NCOR2: variants seen among roughly 807,000 people sequenced by gnomAD.
NCOR2 encodes the protein nuclear receptor corepressor 2, also known as CTG repeat protein 26.
A neutral mutation model predicts 262.9 loss-of-function variants in NCOR2; 81 were observed. The observed-to-expected ratio is 0.31, with a 90% CI of 0.26 to 0.37. The LOEUF is 0.37. Among genes scored for constraint, NCOR2 ranks in the 10% least tolerant of loss-of-function variants. NCOR2 has a pLI of 1.00. For synonymous variants in NCOR2, 1,659 were observed against 1,559.3 expected, an observed-to-expected ratio of 1.06 and a Z score of -1.51; for missense variants, 3,385 against 3,621.4, an observed-to-expected ratio of 0.93 and a Z score of 1.68.
chr12:124,356,486 G>A (rs1334794350), intron 23 of NCOR2, among the ~76,000 whole-genome samples, 156 bp downstream of exon 25: 2 of 152,144 alleles, frequency 1.3e-5, no homozygotes, highest in Non-Finnish European at 2.9e-5. Flanking sequence ...TTTCTTAAAA[G>A]ATCTCCCCCT....
At chr12:124,364,270 A>T (rs561667859) in intron 20 of NCOR2, among the ~76,000 whole-genome samples, 1 of 152,354 alleles carries the variant, frequency 6.6e-6, no homozygotes, top group Non-Finnish European at 1.5e-5. Context: ...AGAGAAATGA[A>T]GAGATTCACC....
intron 19 of NCOR2, 43 bp from the exon 22 acceptor site, chr12:124,372,653 G>T (rs1109271): frequency 0.14 from 217,989 of 1,544,112 alleles, 16,824 homozygotes; most frequent in Non-Finnish European, 0.15. Context: ...AGGGTCTGGC[G>T]GGGCCTCCAG....
chr12:124,330,434 C>A (rs2035080532), intron 44 of NCOR2, among the ~76,000 whole-genome samples: 1 of 152,268 alleles, frequency 6.6e-6, no homozygotes, highest in Non-Finnish European at 1.5e-5. Context: ...AGTTCCCTGG[C>A]TGGATTTAAG....
chr12:124,419,877 C>T lies in NCOR2; in HGVS notation c.1482+80G>A, dbSNP rs1001036863. On this transcript the variant is annotated intron_variant, in intron 13 of 46. Transcript: ENST00000405201. ...ATGGAGACAGTTACCGCCAGCCATG[C>T]GGGGTGCTGGCCACCAAGCAAGTGG... 49 of 1,280,750 alleles carry T rather than the reference C, an allele frequency of 3.8e-5. No individual in the cohort carries two copies. In the East Asian group the frequency reaches 4.2e-4, roughly 11 times the overall value. 79.3% of individuals were successfully genotyped at this position (1,280,750 alleles called of 1,614,324 possible). A position where few individuals can be genotyped will look rare whatever the true frequency, so the allele number is the denominator to read the frequency against.
At chr12:124,413,840 A>G (rs1247471691) in intron 13 of NCOR2, among the ~76,000 whole-genome samples, 1 of 152,074 alleles carries the variant, frequency 6.6e-6, no homozygotes. Context: ...AGAGAGAAAG[A>G]GACAGTGGCC....
intron 28 of NCOR2, 128 bp downstream of exon 30, chr12:124,350,459 A>C: frequency 8.1e-7 from 1 of 1,235,340 alleles, no homozygotes; most frequent in Non-Finnish European, 1.1e-6. Context: ...CTGCAGGGAT[A>C]AGGAGGTCAC....
At chr12:124,359,019 T>C (rs1042529579) in intron 22 of NCOR2, among the ~76,000 whole-genome samples, 3 of 152,254 alleles carry the variant, frequency 2.0e-5, no homozygotes, top group Non-Finnish European at 2.9e-5. Context: ...CAGACTGCTA[T>C]GCCACATGGC....
At chr12:124,334,650 A>C in intron 40 of NCOR2, 33 bp from the exon 43 acceptor site, 1 of 1,214,456 alleles carries the variant, frequency 8.2e-7, no homozygotes, top group Non-Finnish European at 1.1e-6. Context: ...AGAGTCAGGC[A>C]GCACTCTCCT....
intron 1 of NCOR2, among the ~76,000 whole-genome samples, chr12:124,490,408 AGATG>A (rs750414709): frequency 0.12 from 15,583 of 126,130 alleles, 976 homozygotes; most frequent in African/African-American, 0.18. Flanking sequence ...AGTATTTGCC[AGATG>A]GATGGATGGA....
intron 16 of NCOR2, among the ~76,000 whole-genome samples, chr12:124,393,239 C>G (rs2041432295): frequency 1.3e-5 from 2 of 152,198 alleles, no homozygotes; most frequent in South Asian, 4.1e-4. Context: ...CCTGCCCCTC[C>G]TTCCCCACTT....
exon 31 of NCOR2, chr12:124,346,611 C>T (rs1455150240): frequency 1.1e-5 from 18 of 1,589,548 alleles, no homozygotes; most frequent in East Asian, 2.2e-5. Context: ...AGGGGCAGCT[C>T]GGGCGTGTGC....
At chr12:124,438,623 A>G (rs2044522343) in intron 7 of NCOR2, among the ~76,000 whole-genome samples, 1 of 152,028 alleles carries the variant, frequency 6.6e-6, no homozygotes, top group South Asian at 2.1e-4. Context: ...TACACACACC[A>G]CTGCAGGCTC....
chr12:124,347,924 G>C lies in NCOR2; in HGVS notation c.3986-13C>G. On this transcript the variant is annotated splice_polypyrimidine_tract_variant and intron_variant, in intron 29 of 46. Transcript: ENST00000405201. ...CGGCCCATGAGACCTGGGTAGGAGA[G>C]GGTGAGGCCATCATTCCGTGGCTCC... 1.3e-6 allele frequency: 2 copies of C among 1,555,774 alleles called. No homozygotes were observed. Among genetic ancestry groups the C allele is most frequent in the Middle Eastern group, 1.7e-4 (1 of 5,994 alleles).
In NCOR2 at chr12:124,389,958, G is replaced by A. The variant is rs1373903236; in HGVS notation, c.1877-4071C>T. Among the ~76,000 whole-genome samples the A allele has an allele frequency of 2.6e-5, 4 of 152,116 alleles. No homozygotes were observed. The highest frequency in any genetic ancestry group is 9.7e-5 in the African/African-American group (4 of 41,402). On this transcript the variant is annotated intron_variant, in intron 16 of 46. Coordinates refer to ENST00000405201, the Ensembl canonical transcript of NCOR2. The surrounding 1 kb of genome is among the most constrained non-coding windows in gnomAD (Gnocchi z 4.4). ...GATTCAGGTCACGACCGACTTCCCTGACTCTGGGATCATTAACCTGCTTTT... is the reference window on the plus strand; with the variant it reads ...GATTCAGGTCACGACCGACTTCCCTAACTCTGGGATCATTAACCTGCTTTT...
chr12:124,359,052 G>T (rs2038272603), intron 22 of NCOR2, among the ~76,000 whole-genome samples: 1 of 152,240 alleles, frequency 6.6e-6, no homozygotes. Context: ...AGCAATGATG[G>T]GTCCTAGATT....
intron 1 of NCOR2, among the ~76,000 whole-genome samples, chr12:124,506,960 G>A (rs1199452799): frequency 6.6e-6 from 1 of 152,186 alleles, no homozygotes; most frequent in Admixed American, 6.5e-5. Flanking sequence ...GGTGGGACCT[G>A]GGGTTTCTAA....
intron 1 of NCOR2, among the ~76,000 whole-genome samples, chr12:124,564,520 A>AACCCAC (rs1555246448): frequency 1.9e-5 from 1 of 53,708 alleles, no homozygotes; most frequent in Non-Finnish European, 4.0e-5. Context: ...AACCCCCGCC[A>AACCCAC]CCCCACCCCC....
At chr12:124,448,727 T>G (rs1306412566) in intron 7 of NCOR2, among the ~76,000 whole-genome samples, 1 of 151,222 alleles carries the variant, frequency 6.6e-6, no homozygotes, top group Non-Finnish European at 1.5e-5. Flanking sequence ...CCCCGTCGAC[T>G]AGTCCAGCAC....
At chr12:124,470,019 A>C (rs1251581129) in intron 4 of NCOR2, among the ~76,000 whole-genome samples, 2 of 152,060 alleles carry the variant, frequency 1.3e-5, no homozygotes. Context: ...CACAAAAATT[A>C]GCTCGGTGTG....
Sources: allele counts gnomAD v4.1 joint callset (sites outside exome capture counted in the v4.1 genomes callset), GRCh38; gene constraint gnomAD v4.1.1; non-coding constraint Gnocchi (gnomAD v3.1); transcripts MANE v1.5; gene names NCBI Gene and HGNC (gene_info 2026-07-23, HGNC 2026-07-21).